RELN: variants seen among roughly 807,000 people sequenced by gnomAD.
RELN encodes the protein reelin.
A neutral mutation model predicts 427.6 loss-of-function variants in RELN; 108 were observed. The ratio of observed to expected loss-of-function variants is 0.25; its 90% CI spans 0.22 to 0.30. RELN has a LOEUF of 0.30. Ranked by LOEUF, RELN falls within the 10% of genes least tolerant of loss-of-function variation. The pLI is 1.00. For synonymous variants in RELN, 1,524 were observed against 1,513.4 expected, an observed-to-expected ratio of 1.01 and a Z score of -0.16; for missense variants, 3,715 against 4,302.8, an observed-to-expected ratio of 0.86 and a Z score of 3.82.
chr7:103,964,592 A>G (rs896182631), intron 1 of RELN, among the ~76,000 whole-genome samples: 4 of 152,184 alleles, frequency 2.6e-5, no homozygotes, highest in Non-Finnish European at 5.9e-5. Flanking sequence ...AATTGCACCT[A>G]AATTTTTGCC....
chr7:103,494,369 G>T (rs552278515), intron 57 of RELN, among the ~76,000 whole-genome samples: 1 of 150,818 alleles, frequency 6.6e-6, no homozygotes. Flanking sequence ...TGACTTTTGT[G>T]TGTGTGTGTG....
chr7:103,641,129 G>A (rs1319629443), intron 16 of RELN, among the ~76,000 whole-genome samples: 1 of 152,098 alleles, frequency 6.6e-6, no homozygotes, highest in Admixed American at 6.6e-5. Context: ...ACTGATTGTT[G>A]AATGGTCGGT....
At position 103,719,798 on chromosome 7, in the gene RELN, C is replaced by T. The variant is rs138461268; in HGVS notation, c.805+3342G>A. The stretch of plus-strand genomic sequence containing the variant: ...CTACTACCATAAATTCCATAAGTTG[C>T]GTCTAATGAATCAAGTGAGGATGGT... On this transcript the variant is annotated intron_variant, in intron 8 of 64. Coordinates refer to ENST00000428762, the MANE Select transcript of RELN (RefSeq NM_005045.4). Among the ~76,000 whole-genome samples the T allele has an allele frequency of 2.1e-3, 316 of 152,242 alleles. 1 individual carries two copies. Among genetic ancestry groups the T allele is most frequent in the Non-Finnish European group, 3.3e-3 (224 of 68,016 alleles).
At position 103,636,454 on chromosome 7, in the gene RELN, A is replaced by T. The variant is rs750188972; in HGVS notation, c.2084T>A (p.Phe695Tyr). Residue 695 changes from phenylalanine to tyrosine, a missense_variant, in exon 18 of 65, where the codon TTT (phenylalanine) becomes TAT (tyrosine). Physicochemically the swap from Phe to Tyr is conservative, Grantham distance 22. Around this residue, in one of 4 missense-constraint regions of RELN, gnomAD observed 2,208 missense variants for 2,361.7 expected, o/e 0.93. Coordinates refer to ENST00000428762, the MANE Select transcript of RELN (RefSeq NM_005045.4). ...TGCCATCTCACAAGCTGGGCCAGAA[A>T]ATCCAGGGTCACACCTGAAAGAAAT... ...TRHGCKCDPG[F>Y]SGPACEMASQ... is the part of the protein sequence containing the mutation. 5.0e-6 allele frequency: 8 copies of T among 1,611,280 alleles called. No individual in the cohort carries two copies. Among genetic ancestry groups the T allele is most frequent in the Non-Finnish European group, 6.8e-6 (8 of 1,177,722 alleles).
chr7:103,835,521 G>A (rs1793378815), intron 2 of RELN, among the ~76,000 whole-genome samples: 1 of 152,190 alleles, frequency 6.6e-6, no homozygotes, highest in African/African-American at 2.4e-5. Context: ...GATGTTGACG[G>A]TAGGGGAGGT....
chr7:103,909,508 G>T (rs1341324742), intron 2 of RELN, among the ~76,000 whole-genome samples: 1 of 148,238 alleles, frequency 6.7e-6, no homozygotes, highest in Non-Finnish European at 1.5e-5. Context: ...TCGGGAGGCT[G>T]AGGCAGGAGA....
At chr7:103,775,722 A>C (rs1791720912) in intron 4 of RELN, among the ~76,000 whole-genome samples, 1 of 152,216 alleles carries the variant, frequency 6.6e-6, no homozygotes, top group East Asian at 1.9e-4. Flanking sequence ...AAGATGCTGA[A>C]ATCAAGGAAT....
chr7:103,732,556 G>A (rs1790380746), intron 6 of RELN, among the ~76,000 whole-genome samples: 1 of 152,070 alleles, frequency 6.6e-6, no homozygotes, highest in African/African-American at 2.4e-5. Context: ...GACAAGGCAA[G>A]ACCGTACAGA....
At chr7:103,698,193 T>A (rs763521499) in intron 9 of RELN, 100 bp from the exon 10 acceptor site, 405 of 1,395,226 alleles carry the variant, frequency 2.9e-4, no homozygotes, top group Non-Finnish European at 4.0e-4. Flanking sequence ...ATCTCAAGAA[T>A]GTTATATTTA....
intron 6 of RELN, among the ~76,000 whole-genome samples, chr7:103,736,731 T>C (rs187725162): frequency 6.6e-6 from 1 of 152,222 alleles, no homozygotes; most frequent in Non-Finnish European, 1.5e-5. Context: ...TTGTTTCAAA[T>C]GTACTTGACA....
chr7:103,773,954 T>A (rs967713050), intron 4 of RELN, among the ~76,000 whole-genome samples: 1 of 152,152 alleles, frequency 6.6e-6, no homozygotes, highest in Non-Finnish European at 1.5e-5. Flanking sequence ...TATTTAGCAC[T>A]GTGAGCTAGG....
intron 11 of RELN, among the ~76,000 whole-genome samples, chr7:103,669,683 C>T (rs780202796): frequency 6.6e-6 from 1 of 151,812 alleles, no homozygotes; most frequent in African/African-American, 2.4e-5. Flanking sequence ...GTCAACATCT[C>T]GGATGGCATG....
intron 31 of RELN, among the ~76,000 whole-genome samples, chr7:103,571,681 G>A (rs564999721): frequency 3.9e-5 from 6 of 152,272 alleles, no homozygotes; most frequent in Admixed American, 2.0e-4. Context: ...AGTAAAACAC[G>A]TGGGATAGTG....
At chr7:103,952,683 A>G (rs564450959) in intron 1 of RELN, among the ~76,000 whole-genome samples, 3 of 152,296 alleles carry the variant, frequency 2.0e-5, no homozygotes, top group African/African-American at 7.2e-5. Flanking sequence ...TGAAGAAGTA[A>G]TATCTTTCCC....
chr7:103,843,158 G>T (rs955703072), intron 2 of RELN, among the ~76,000 whole-genome samples: 3 of 152,078 alleles, frequency 2.0e-5, no homozygotes, highest in African/African-American at 7.2e-5. Flanking sequence ...GTACATGTTG[G>T]CTATTATTAT....
chr7:103,802,361 A>G (rs928563182), intron 3 of RELN, among the ~76,000 whole-genome samples: 7 of 152,198 alleles, frequency 4.6e-5, no homozygotes, highest in Non-Finnish European at 7.3e-5. Flanking sequence ...ATATGATGTA[A>G]TATGTATGTT....
intron 28 of RELN, among the ~76,000 whole-genome samples, chr7:103,588,895 C>A (rs1225182440): frequency 6.6e-6 from 1 of 152,146 alleles, no homozygotes; most frequent in Non-Finnish European, 1.5e-5. Flanking sequence ...ATTTGATGTG[C>A]TATATCTTCA....
chr7:103,718,749 GGATACTGT>G (rs1315276660), intron 8 of RELN, among the ~76,000 whole-genome samples: 5 of 152,134 alleles, frequency 3.3e-5, no homozygotes, highest in Non-Finnish European at 7.4e-5. Context: ...TAGTGACTGA[GGATACTGT>G]GATGGACAAG....
chr7:103,523,118 G>A (rs930302901), intron 47 of RELN, among the ~76,000 whole-genome samples: 1 of 152,088 alleles, frequency 6.6e-6, no homozygotes, highest in Non-Finnish European at 1.5e-5. Context: ...TTCAAGGCTC[G>A]AGTGTATCAC....
Sources: gnomAD v4.1 joint callset for allele counts (sites outside exome capture counted in the v4.1 genomes callset) on GRCh38, gnomAD v4.1.1 for gene constraint, gnomAD v4.1.1 regional missense constraint, MANE v1.5 for transcripts, NCBI Gene and HGNC (gene_info 2026-07-23, HGNC 2026-07-21) for gene names.